The following ZSCAN25 variants were observed in gnomAD, a reference collection of about 807,000 sequenced individuals.
ZSCAN25 encodes the protein zinc finger and SCAN domain containing 25.
A neutral mutation model predicts 38.7 loss-of-function variants in ZSCAN25; 27 were observed. That is an observed-to-expected ratio of 0.70 (90% CI 0.51 to 0.96). The LOEUF (loss-of-function observed/expected upper bound fraction) is 0.96. Ranked by LOEUF, ZSCAN25 falls within the 40% of genes least tolerant of loss-of-function variation. ZSCAN25 has a pLI of 0.00. For missense variants in ZSCAN25, 637 were observed against 705.9 expected (o/e 0.90, Z 1.11); for synonymous variants, 273 against 277.7 (o/e 0.98, Z 0.17).
the ZSCAN25 span, among the ~76,000 whole-genome samples, chr7:99,709,497 A>G: frequency 2.6e-5 from 4 of 152,210 alleles, no homozygotes; most frequent in African/African-American, 7.2e-5. Context: ...TCTAACCCCA[A>G]TGACTGAAAT....
chr7:99,668,785 G>T, the ZSCAN25 span, among the ~76,000 whole-genome samples: 5 of 152,214 alleles, frequency 3.3e-5, no homozygotes, highest in Non-Finnish European at 5.9e-5. Context: ...GTCGCCATTT[G>T]TACGCATGTG....
chr7:99,704,113 T>A, the ZSCAN25 span, among the ~76,000 whole-genome samples: 2 of 152,140 alleles, frequency 1.3e-5, no homozygotes, highest in African/African-American at 4.8e-5. Flanking sequence ...CTGTTTTTTT[T>A]ATTAAATGTT....
At chr7:99,654,390 G>A in the ZSCAN25 span, among the ~76,000 whole-genome samples, 3 of 152,118 alleles carry the variant, frequency 2.0e-5, no homozygotes, top group African/African-American at 4.8e-5. Context: ...CTTCATCCAT[G>A]TCTCTACAAA....
the ZSCAN25 span, among the ~76,000 whole-genome samples, chr7:99,698,562 A>C: frequency 6.6e-6 from 1 of 152,228 alleles, no homozygotes; most frequent in Admixed American, 6.5e-5. Flanking sequence ...GTATTAAAAT[A>C]AACTGTCAGG....
the ZSCAN25 span, among the ~76,000 whole-genome samples, chr7:99,689,423 T>C: frequency 2.6e-5 from 4 of 152,038 alleles, no homozygotes; most frequent in African/African-American, 9.7e-5. Context: ...CTAGAAGAAA[T>C]GGATAAATTC....
the ZSCAN25 span, chr7:99,685,326 C>G: frequency 2.2e-5 from 33 of 1,515,150 alleles, no homozygotes; most frequent in Non-Finnish European, 3.0e-5. Context: ...GTATTGCTGA[C>G]TATGCACATA....
the ZSCAN25 span, chr7:99,663,194 C>T: frequency 9.0e-7 from 1 of 1,111,000 alleles, no homozygotes; most frequent in Admixed American, 4.4e-5. Context: ...CATCTCTGGT[C>T]ATAACTGCTT....
the ZSCAN25 span, among the ~76,000 whole-genome samples, chr7:99,643,058 T>C: frequency 4.7e-3 from 716 of 152,350 alleles, 2 homozygotes; most frequent in African/African-American, 0.016. Context: ...TTTTTTAATG[T>C]AGGTAATGAA....
At position 99,621,385 on chromosome 7, in the gene ZSCAN25, A is replaced by G; in HGVS notation, c.400A>G (p.Arg134Gly). 7.1e-7 allele frequency: 1 copy of G among 1,418,332 alleles called. No homozygotes were observed. Among genetic ancestry groups the G allele is most frequent in the South Asian group, 1.7e-5 (1 of 59,410 alleles). 87.9% of individuals were successfully genotyped at this position (1,418,332 alleles called of 1,614,324 possible). The change falls in exon 5 of 8, where the codon AGG becomes GGG. Residue 134 changes from arginine (R) to glycine (G), a missense_variant. By Grantham distance (125) the Arg-to-Gly change is moderately radical. Coordinates refer to ENST00000394152, the MANE Select transcript of ZSCAN25 (RefSeq NM_145115.3). Reference sequence around the variant, plus strand: ...GAACTGTTCTTAGGTTCCATGCCACAGGCAGGGAGAGCAGGAGGAAACAGC... The same window carrying G: ...GAACTGTTCTTAGGTTCCATGCCACGGGCAGGGAGAGCAGGAGGAAACAGC... ...ALEAKAVPCH[R>G]QGEQEETALC...
the ZSCAN25 span, chr7:99,713,543 C>G: frequency 6.2e-7 from 1 of 1,613,122 alleles, no homozygotes; most frequent in Non-Finnish European, 8.5e-7. Flanking sequence ...GTGCTAGAAG[C>G]AAAAAGAGAA....
chr7:99,629,388 C>T lies in ZSCAN25; in HGVS notation c.1003C>T (p.Pro335Ser), dbSNP rs945586053. ...PPPQHGAIPL[P>S]DEVKTHSSFW... Reference sequence around the variant, plus strand: ...TCCCCAGCACGGTGCCATCCCCCTGCCTGACGAAGTCAAAACCCACAGCTC... The same window carrying T: ...TCCCCAGCACGGTGCCATCCCCCTGTCTGACGAAGTCAAAACCCACAGCTC... Residue 335 changes from proline to serine, a missense_variant, in exon 8 of 8, where the codon CCT (proline) becomes TCT (serine). Transcript: ENST00000394152. This position sits in a 1 kb window ranked among gnomAD's most constrained non-coding sequence, Gnocchi z 5.6. The T allele has an allele frequency of 6.2e-7, 1 of 1,614,220 alleles. No homozygotes were observed. Among genetic ancestry groups the T allele is most frequent in the African/African-American group, 1.3e-5 (1 of 75,068 alleles).
chr7:99,662,867 G>A, the ZSCAN25 span: 1 of 1,613,882 alleles, frequency 6.2e-7, no homozygotes, highest in Non-Finnish European at 8.5e-7. The surrounding 1 kb of genome is among the most constrained non-coding windows in gnomAD (Gnocchi z 4.3). Context: ...ATCAGCTGAA[G>A]GAAATCTAGT....
the ZSCAN25 span, among the ~76,000 whole-genome samples, chr7:99,736,630 G>C: frequency 6.6e-6 from 1 of 152,188 alleles, no homozygotes; most frequent in Non-Finnish European, 1.5e-5. Flanking sequence ...TTAAAACTCA[G>C]TAGAAACAGA....
At chr7:99,648,872 A>C in the ZSCAN25 span, among the ~76,000 whole-genome samples, 1 of 152,198 alleles carries the variant, frequency 6.6e-6, no homozygotes, top group Admixed American at 6.5e-5. Flanking sequence ...AACCCTTCCC[A>C]GTTGAACCCA....
chr7:99,655,803 TA>T, the ZSCAN25 span, among the ~76,000 whole-genome samples: 1 of 152,236 alleles, frequency 6.6e-6, no homozygotes, highest in Non-Finnish European at 1.5e-5. Context: ...ACATCCCTTG[TA>T]AGTTGAATTC....
the ZSCAN25 span, chr7:99,684,980 G>A: frequency 2.5e-5 from 14 of 558,988 alleles, no homozygotes; most frequent in East Asian, 4.5e-4. Context: ...ACACAGACAG[G>A]GAGAGAGCTC....
At chr7:99,724,556 C>T in the ZSCAN25 span, among the ~76,000 whole-genome samples, 2 of 151,998 alleles carry the variant, frequency 1.3e-5, no homozygotes, top group Admixed American at 1.3e-4. Context: ...CTGACCTCTC[C>T]CCTCCCCACC....
At chr7:99,643,141 C>T in the ZSCAN25 span, among the ~76,000 whole-genome samples, 1 of 151,988 alleles carries the variant, frequency 6.6e-6, no homozygotes, top group East Asian at 1.9e-4. Flanking sequence ...TTTATAGGAT[C>T]GAGTTTACAC....
the ZSCAN25 span, among the ~76,000 whole-genome samples, chr7:99,680,879 T>A: frequency 6.6e-6 from 1 of 152,208 alleles, no homozygotes; most frequent in Non-Finnish European, 1.5e-5. Flanking sequence ...ATACTGTGTA[T>A]CAGAAGAACA....
Sources: gnomAD v4.1 joint callset for allele counts (sites outside exome capture counted in the v4.1 genomes callset) on GRCh38, gnomAD v4.1.1 for gene constraint, Gnocchi (gnomAD v3.1) non-coding constraint, MANE v1.5 for transcripts, NCBI Gene and HGNC (gene_info 2026-07-23, HGNC 2026-07-21) for gene names.